FHIT: variants seen among roughly 807,000 people sequenced by gnomAD.
The protein encoded by FHIT is fragile histidine triad diadenosine triphosphatase.
A neutral mutation model predicts 17.9 loss-of-function variants in FHIT; 19 were observed. That is an observed-to-expected ratio of 1.06 (90% CI 0.74 to 1.56). FHIT has a LOEUF of 1.56. Among genes scored for constraint, FHIT ranks in the 40% most tolerant of loss-of-function variants. FHIT has a pLI of 0.00. For missense variants in FHIT, 248 were observed against 189.2 expected (o/e 1.31, Z -1.82); for synonymous variants, 81 against 69.7 (o/e 1.16, Z -0.81).
intron 5 of FHIT, among the ~76,000 whole-genome samples, chr3:60,170,305 T>G (rs1701360586): frequency 6.6e-6 from 1 of 152,140 alleles, no homozygotes; most frequent in African/African-American, 2.4e-5. Context: ...GAAGTGGATG[T>G]GAAAGACAGC....
At chr3:61,083,182 C>T (rs1353330554) in intron 2 of FHIT, among the ~76,000 whole-genome samples, 12 of 152,264 alleles carry the variant, frequency 7.9e-5, no homozygotes, top group African/African-American at 2.9e-4. Context: ...TGAGATATAA[C>T]TCACATACCA....
At chr3:61,219,102 T>G (rs1016907872) in intron 1 of FHIT, among the ~76,000 whole-genome samples, 29 of 152,314 alleles carry the variant, frequency 1.9e-4, no homozygotes, top group South Asian at 1.0e-3. Context: ...CTGTCCTAAA[T>G]GCTGTAAGTA....
intron 7 of FHIT, among the ~76,000 whole-genome samples, chr3:59,986,540 T>TATACAC (rs1473518719): frequency 4.0e-4 from 5 of 12,442 alleles, no homozygotes; most frequent in African/African-American, 1.8e-3. Flanking sequence ...TATATATATA[T>TATACAC]ACACACACAC....
chr3:60,408,687 A>G (rs1039067951), intron 5 of FHIT, among the ~76,000 whole-genome samples: 5 of 152,180 alleles, frequency 3.3e-5, no homozygotes, highest in Admixed American at 1.3e-4. Context: ...GGCCAAGTGT[A>G]TCATTTACTT....
chr3:61,192,866 T>C (rs2038755959), intron 2 of FHIT, among the ~76,000 whole-genome samples: 1 of 152,194 alleles, frequency 6.6e-6, no homozygotes, highest in African/African-American at 2.4e-5. Context: ...ACCACACAAA[T>C]GGTGAGGCAT....
chr3:60,052,388 T>C (rs13084717), intron 5 of FHIT, among the ~76,000 whole-genome samples: 14,676 of 152,146 alleles, frequency 0.096, 796 homozygotes, highest in Non-Finnish European at 0.11. Flanking sequence ...CCTAGAGTCC[T>C]TAGAATCTTT....
At chr3:60,401,969 G>C (rs1301035216) in intron 5 of FHIT, among the ~76,000 whole-genome samples, 1 of 152,112 alleles carries the variant, frequency 6.6e-6, no homozygotes. Flanking sequence ...ATGCCAGTCT[G>C]TAATGATGGC....
intron 3 of FHIT, among the ~76,000 whole-genome samples, chr3:61,011,276 G>C (rs2031773559): frequency 6.6e-6 from 1 of 152,054 alleles, no homozygotes; most frequent in African/African-American, 2.4e-5. Context: ...TAGAAACGTA[G>C]GTGCAAAAGA....
At position 59,980,461 on chromosome 3, in the gene FHIT, A is replaced by G. The variant is rs143621685; in HGVS notation, c.279+30910T>C. 1.4e-3 allele frequency among the ~76,000 whole-genome samples: 217 copies of G among 152,334 alleles called. 2 individuals are homozygous for G. In the East Asian group the frequency reaches 0.04, roughly 28 times the overall value. On this transcript the variant is annotated intron_variant, in intron 7 of 9. Transcript: ENST00000492590. ...GCTTTAGCTATAGGTTGTTATAATT[A>G]GCCCTCATTCTACAGTTTCTAACCG...
At chr3:60,886,034 C>T (rs1553759204) in intron 3 of FHIT, among the ~76,000 whole-genome samples, 1 of 152,138 alleles carries the variant, frequency 6.6e-6, no homozygotes, top group African/African-American at 2.4e-5. Flanking sequence ...ATATTAAATG[C>T]TCAATAAATA....
chr3:60,439,589 C>G (rs1286550236), intron 5 of FHIT, among the ~76,000 whole-genome samples: 1 of 152,016 alleles, frequency 6.6e-6, no homozygotes, highest in Admixed American at 6.6e-5. Context: ...TGGTCTCAGT[C>G]AGTGATTCCT....
intron 5 of FHIT, among the ~76,000 whole-genome samples, chr3:60,527,390 G>A (rs4679545): frequency 0.19 from 29,067 of 152,144 alleles, 2,917 homozygotes; most frequent in Middle Eastern, 0.26. Context: ...GTATTAGCAC[G>A]TAAATCTCTT....
At chr3:61,218,040 A>T (rs889679713) in intron 1 of FHIT, among the ~76,000 whole-genome samples, 3 of 152,196 alleles carry the variant, frequency 2.0e-5, no homozygotes, top group African/African-American at 4.8e-5. Flanking sequence ...GAGACATCTA[A>T]AGGAAAATAT....
At chr3:60,104,918 A>G (rs947473296) in intron 5 of FHIT, among the ~76,000 whole-genome samples, 17 of 152,254 alleles carry the variant, frequency 1.1e-4, no homozygotes, top group South Asian at 2.1e-4. Flanking sequence ...TTCAAGATCA[A>G]TGATGGTTGT....
chr3:59,999,836 G>A (rs1699659568), intron 7 of FHIT, among the ~76,000 whole-genome samples: 1 of 152,056 alleles, frequency 6.6e-6, no homozygotes, highest in Admixed American at 6.6e-5. Flanking sequence ...TTCAACTCCT[G>A]ACCTCAGGTA....
intron 5 of FHIT, among the ~76,000 whole-genome samples, chr3:60,412,598 C>G (rs1215350129): frequency 6.6e-6 from 1 of 152,066 alleles, no homozygotes; most frequent in Non-Finnish European, 1.5e-5. Flanking sequence ...CTGCAGATCT[C>G]ACTTCATTCC....
At chr3:60,576,119 A>G (rs1439540784) in intron 4 of FHIT, among the ~76,000 whole-genome samples, 1 of 152,174 alleles carries the variant, frequency 6.6e-6, no homozygotes, top group Non-Finnish European at 1.5e-5. Flanking sequence ...AGACGGGTAG[A>G]AGTTGAACCT....
chr3:60,557,668 C>T (rs1480311285), intron 4 of FHIT, among the ~76,000 whole-genome samples: 3 of 151,880 alleles, frequency 2.0e-5, no homozygotes, highest in African/African-American at 4.8e-5. Flanking sequence ...AGCAATGCTA[C>T]TTCAAGCATA....
chr3:60,537,027 A>T, intron 4 of FHIT, 48 bp from the exon 5 acceptor site: 2 of 1,528,534 alleles, frequency 1.3e-6, no homozygotes, highest in South Asian at 2.5e-5. Context: ...TAAGAAACTC[A>T]GTTCATATAC....
Sources: gnomAD v4.1 joint callset for allele counts (sites outside exome capture counted in the v4.1 genomes callset) on GRCh38, gnomAD v4.1.1 for gene constraint, MANE v1.5 for transcripts, NCBI Gene and HGNC (gene_info 2026-07-23, HGNC 2026-07-21) for gene names.